The following COL5A2 variants were observed in gnomAD, a reference collection of about 807,000 sequenced individuals.
COL5A2 encodes the protein collagen alpha-2(V) chain.
Under a neutral mutation model 208.2 loss-of-function variants are expected in COL5A2, and 23 were observed. The ratio of observed to expected loss-of-function variants is 0.11; its 90% confidence interval spans 0.08 to 0.16. The LOEUF is 0.16. COL5A2 is among the 10% of genes least tolerant of loss of function. COL5A2 has a pLI of 1.00. For synonymous variants in COL5A2, 625 were observed against 628.5 expected (o/e 0.99, Z 0.08); for missense variants, 1,590 against 1,956.4 (o/e 0.81, Z 3.53).
At chr2:189,125,643 T>C (rs1181986505) in intron 1 of COL5A2, among the ~76,000 whole-genome samples, 1 of 152,142 alleles carries the variant, frequency 6.6e-6, no homozygotes. Flanking sequence ...AACATCTTCC[T>C]TTTTCTAGCT....
At chr2:189,410,414 A>C in the COL5A2 span, among the ~76,000 whole-genome samples, 2 of 152,208 alleles carry the variant, frequency 1.3e-5, no homozygotes, top group South Asian at 4.1e-4. Flanking sequence ...AAATGAAAAA[A>C]AATTAGCCGG....
At chr2:189,330,608 A>G in the COL5A2 span, among the ~76,000 whole-genome samples, 1 of 152,226 alleles carries the variant, frequency 6.6e-6, no homozygotes, top group East Asian at 1.9e-4. Context: ...CCGTTGAGAA[A>G]TCTGACAACA....
At chr2:189,116,503 T>C (rs1178602010) in intron 1 of COL5A2, among the ~76,000 whole-genome samples, 3 of 152,184 alleles carry the variant, frequency 2.0e-5, no homozygotes, top group African/African-American at 7.2e-5. Context: ...TAGATACATA[T>C]GAAGCCACCA....
At chr2:189,305,138 C>G in the COL5A2 span, among the ~76,000 whole-genome samples, 2 of 152,160 alleles carry the variant, frequency 1.3e-5, no homozygotes, top group African/African-American at 4.8e-5. Flanking sequence ...CACATTGCTG[C>G]CAGAAATAAA....
the COL5A2 span, among the ~76,000 whole-genome samples, chr2:189,432,733 G>C: frequency 2.0e-5 from 3 of 152,138 alleles, no homozygotes; most frequent in African/African-American, 7.2e-5. Flanking sequence ...ATAATAATGG[G>C]AGACTTTAAC....
chr2:189,066,332 G>A, intron 23 of COL5A2, 58 bp downstream of exon 23: 2 of 1,465,212 alleles, frequency 1.4e-6, no homozygotes, highest in South Asian at 1.1e-5. Flanking sequence ...ACTGTTCTCA[G>A]ACTTACACAC....
chr2:189,343,308 T>A, the COL5A2 span, among the ~76,000 whole-genome samples: 1 of 152,158 alleles, frequency 6.6e-6, no homozygotes, highest in Non-Finnish European at 1.5e-5. Context: ...ACATTTTATA[T>A]ACAGAATTAT....
intron 2 of COL5A2, among the ~76,000 whole-genome samples, chr2:189,106,664 A>T (rs1687154866): frequency 6.6e-6 from 1 of 151,230 alleles, no homozygotes; most frequent in African/African-American, 2.4e-5. Flanking sequence ...ATGGATACTC[A>T]GTCTATCTTT....
the COL5A2 span, among the ~76,000 whole-genome samples, chr2:189,256,045 T>G: frequency 6.6e-6 from 1 of 152,212 alleles, no homozygotes; most frequent in African/African-American, 2.4e-5. Context: ...AGTTATTTAC[T>G]ACACATTCAG....
the COL5A2 span, among the ~76,000 whole-genome samples, chr2:189,286,345 T>A: frequency 6.6e-6 from 1 of 152,214 alleles, no homozygotes; most frequent in Admixed American, 6.6e-5. Flanking sequence ...TGAAAAGCAC[T>A]TTTGAGCACC....
the COL5A2 span, among the ~76,000 whole-genome samples, chr2:189,336,909 C>T: frequency 6.6e-6 from 1 of 152,168 alleles, no homozygotes; most frequent in African/African-American, 2.4e-5. Context: ...TAAATCAATT[C>T]AGAAGTTATC....
intron 42 of COL5A2, 89 bp from the exon 43 acceptor site, chr2:189,050,765 G>A (rs1685768813): frequency 1.4e-5 from 16 of 1,105,054 alleles, no homozygotes; most frequent in Admixed American, 2.2e-5. Context: ...AGCTTTACAG[G>A]TTTTTCAGTA....
chr2:189,378,677 T>A, the COL5A2 span, among the ~76,000 whole-genome samples: 3 of 145,484 alleles, frequency 2.1e-5, no homozygotes, highest in Non-Finnish European at 4.5e-5. Context: ...TGAGCAGAGA[T>A]CACGCCACTG....
exon 1 of COL5A2, among the ~76,000 whole-genome samples, chr2:189,225,215 C>G (rs539116129): frequency 1.3e-5 from 2 of 152,032 alleles, no homozygotes; most frequent in African/African-American, 4.8e-5. Context: ...TTTTGTGGTA[C>G]GAGAGATAGC....
In COL5A2 at chr2:189,050,876, C is replaced by T. The variant is rs533488821; in HGVS notation, c.2932-200G>A. Among the ~76,000 whole-genome samples the T allele has an allele frequency of 2.0e-5, 3 of 152,212 alleles. No individual in the cohort carries two copies. In the South Asian group the frequency reaches 6.2e-4, roughly 32 times the overall value. On this transcript the variant is annotated intron_variant, in intron 42 of 53. Transcript: ENST00000374866. Reference sequence around the variant, plus strand: ...TAACATTATTTAAAGGTGAAAACAGCTCATCCGTTGGAAAGAAACTGAAGA... The same window carrying T: ...TAACATTATTTAAAGGTGAAAACAGTTCATCCGTTGGAAAGAAACTGAAGA...
chr2:189,042,900 T>C (rs1176459957), intron 48 of COL5A2, 127 bp from the exon 49 acceptor site: 1 of 932,738 alleles, frequency 1.1e-6, no homozygotes. Context: ...ATCTCTGCAA[T>C]GTCTACATGA....
At chr2:189,082,573 T>C (rs1356215908) in intron 12 of COL5A2, among the ~76,000 whole-genome samples, 1 of 152,226 alleles carries the variant, frequency 6.6e-6, no homozygotes, top group Non-Finnish European at 1.5e-5. Context: ...ATTAGTTAAC[T>C]TCAGTTTTTA....
the COL5A2 span, among the ~76,000 whole-genome samples, chr2:189,398,274 T>G: frequency 6.6e-6 from 1 of 152,180 alleles, no homozygotes; most frequent in African/African-American, 2.4e-5. Context: ...GTCTTCCATG[T>G]GTAAATACAT....
chr2:189,064,778 T>A, intron 24 of COL5A2, 123 bp from the exon 25 acceptor site: 1 of 853,434 alleles, frequency 1.2e-6, no homozygotes, highest in Non-Finnish European at 2.0e-6. Context: ...GGCACTGATA[T>A]AACGTATAAA....
Sources: gnomAD v4.1 joint callset for allele counts (sites outside exome capture counted in the v4.1 genomes callset) on GRCh38, gnomAD v4.1.1 for gene constraint, MANE v1.5 for transcripts, NCBI Gene and HGNC (gene_info 2026-07-23, HGNC 2026-07-21) for gene names.